Variants in SCN10A observed in about 807,000 individuals in gnomAD.
The protein encoded by SCN10A is sodium voltage-gated channel alpha subunit 10.
In SCN10A, 162 loss-of-function variants were observed where a neutral mutation model predicts 170.7. That is an observed-to-expected ratio of 0.95 (90% confidence interval 0.84 to 1.08). The LOEUF (loss-of-function observed/expected upper bound fraction) is 1.08, where lower values mean the gene tolerates loss of function less well. Among genes scored for constraint, SCN10A ranks in the 50% least tolerant of loss-of-function variants. The probability of loss-of-function intolerance (pLI) is 0.00; values close to 1 mark genes in which losing one functional copy is unlikely to be tolerated. For synonymous variants in SCN10A, 985 were observed against 904.6 expected, an observed-to-expected ratio of 1.09 and a Z score of -1.59; for missense variants, 2,527 against 2,436.9, an observed-to-expected ratio of 1.04 and a Z score of -0.78.
intron 27 of SCN10A, among the ~76,000 whole-genome samples, chr3:38,700,634 A>G (rs1401369602): frequency 6.6e-6 from 1 of 152,258 alleles, no homozygotes; most frequent in East Asian, 1.9e-4. Context: ...ACAGAGCAGC[A>G]ATATCAAAAT....
rs968109414 is a variant in SCN10A, at chr3:38,785,870, T to C, written c.470+3086A>G. Among the ~76,000 whole-genome samples the C allele has an allele frequency of 3.9e-5, 6 of 152,264 alleles. No homozygotes were observed. The Middle Eastern group carries it at 0.014, about 345-fold the overall frequency. On this transcript the variant is annotated intron_variant, in intron 4 of 27. Transcript: ENST00000449082. ...GACATTTATGCAGCCAATAAACATA[T>C]GATAAAAAGCTCATCATCACTGGTC... is the stretch of plus-strand genomic sequence containing the variant.
chr3:38,751,658 G>C (rs2063748207), intron 12 of SCN10A, among the ~76,000 whole-genome samples: 1 of 152,222 alleles, frequency 6.6e-6, no homozygotes, highest in Non-Finnish European at 1.5e-5. Flanking sequence ...TCCCTGACTT[G>C]CCATTACACT....
intron 4 of SCN10A, among the ~76,000 whole-genome samples, chr3:38,772,583 G>A (rs764401492): frequency 6.6e-6 from 1 of 152,126 alleles, no homozygotes; most frequent in African/African-American, 2.4e-5. Flanking sequence ...CAGCTACTCC[G>A]GAGGCTGAGG....
chr3:38,792,956 T>C (rs2064302292), intron 2 of SCN10A, among the ~76,000 whole-genome samples: 1 of 151,988 alleles, frequency 6.6e-6, no homozygotes, highest in Admixed American at 6.6e-5. Context: ...TAGAAATTAA[T>C]ATATATGTAT....
chr3:38,783,369 T>C (rs1389206440), intron 4 of SCN10A, among the ~76,000 whole-genome samples: 1 of 152,106 alleles, frequency 6.6e-6, no homozygotes, highest in East Asian at 1.9e-4. Flanking sequence ...CCTTACTTTA[T>C]TGATGCTTTT....
In SCN10A at chr3:38,750,095, A is replaced by G. The variant is rs1338965406; in HGVS notation, c.1845T>C (p.Ser615=). Residue 615 remains serine (S), a synonymous_variant, in exon 13 of 28, where the codon AGT becomes AGC. Transcript: ENST00000449082. The part of the protein sequence containing the change: ...FRAQRAMSVV[S]IITSVLEELE... ...TACCCTCAAGGACGGAGGTTATGATACTGACAACACTCATTGCCCTTTGGG... is the reference window on the plus strand; with the variant it reads ...TACCCTCAAGGACGGAGGTTATGATGCTGACAACACTCATTGCCCTTTGGG... 2.5e-6 allele frequency: 4 copies of G among 1,608,208 alleles called. No homozygotes were observed. Among genetic ancestry groups the G allele is most frequent in the East Asian group, 2.2e-5 (1 of 44,854 alleles).
Position 38,718,699 on chromosome 3 carries a change from T to G in SCN10A, c.3635A>C (p.Lys1212Thr). ...CCAGCACCAGGCATTGGTGAAGTAC[T>G]TTTTGAAGCCATAGGCCACCCACTT... ...LLKWVAYGFK[K>T]YFTNAWCWLD... is the part of the protein sequence containing the mutation. Residue 1212 changes from lysine to threonine, a missense_variant, in exon 21 of 28, where the codon AAG becomes ACG. Transcript: ENST00000449082. 1.9e-6 allele frequency: 3 copies of G among 1,614,228 alleles called. No homozygotes were observed. Among genetic ancestry groups the G allele is most frequent in the Non-Finnish European group, 2.5e-6 (3 of 1,180,038 alleles).
At chr3:38,710,407 C>T (rs1034211337) in intron 24 of SCN10A, among the ~76,000 whole-genome samples, 6 of 152,170 alleles carry the variant, frequency 3.9e-5, no homozygotes, top group Non-Finnish European at 5.9e-5. Context: ...CTGCCCACCT[C>T]GGCCTCCCAA....
chr3:38,742,626 AC>A, intron 13 of SCN10A, 97 bp from the exon 14 acceptor site: 1 of 855,346 alleles, frequency 1.2e-6, no homozygotes. Flanking sequence ...AATAATAAGT[AC>A]CACCTCCAAC....
rs149642957 is a variant in SCN10A at position 38,698,348 on chromosome 3, G to A, written c.4872C>T (p.Phe1624=). ...TCACATGGGGAAAGCTGGACATACCGAAGATAGAGTAGATGAACATGACAA... is the reference window on the plus strand; with the variant it reads ...TCACATGGGGAAAGCTGGACATACCAAAGATAGAGTAGATGAACATGACAA... ...LFLVMFIYSI[F]GMSSFPHVRW... is the part of the protein sequence containing the mutation. The change falls in exon 28 of 28, where the codon TTC becomes TTT. Residue 1624 remains phenylalanine (F), a synonymous_variant. Coordinates refer to ENST00000449082, the MANE Select transcript of SCN10A (RefSeq NM_006514.4). 1.2e-4 allele frequency: 193 copies of A among 1,613,974 alleles called. 1 individual carries two copies. The African/African-American group carries it at 1.4e-3, about 12-fold the overall frequency.
chr3:38,774,508 C>T (rs1308213790), intron 4 of SCN10A, among the ~76,000 whole-genome samples: 1 of 152,136 alleles, frequency 6.6e-6, no homozygotes, highest in Non-Finnish European at 1.5e-5. Flanking sequence ...GTGTTATTTC[C>T]TAAGTGCTTT....
chr3:38,724,705 T>C (rs1415397815), intron 18 of SCN10A, among the ~76,000 whole-genome samples: 4 of 152,234 alleles, frequency 2.6e-5, no homozygotes, highest in African/African-American at 9.6e-5. Context: ...GATATTTGAC[T>C]TTCTTTGTGC....
chr3:38,781,276 G>C (rs910092691), intron 4 of SCN10A, among the ~76,000 whole-genome samples: 2 of 152,102 alleles, frequency 1.3e-5, no homozygotes, highest in African/African-American at 2.4e-5. Flanking sequence ...AAAAAGTCGT[G>C]GTCACTGCTT....
At chr3:38,722,206 T>C (rs2063396961) in intron 20 of SCN10A, 52 bp downstream of exon 20, 2 of 1,560,370 alleles carry the variant, frequency 1.3e-6, no homozygotes, top group South Asian at 2.4e-5. Context: ...CTTTGGATTG[T>C]AGGAGATTCC....
chr3:38,713,276 G>A (rs1211208808), intron 22 of SCN10A, among the ~76,000 whole-genome samples: 1 of 152,188 alleles, frequency 6.6e-6, no homozygotes, highest in African/African-American at 2.4e-5. Context: ...ATTCCAGTGG[G>A]TGGCAGCTGA....
In SCN10A at chr3:38,713,923, T is replaced by A. The variant is rs772249614; in HGVS notation, c.3804+35A>T. 3 of 1,610,864 alleles carry A rather than the reference T, an allele frequency of 1.9e-6. No individual in the cohort carries two copies. The Middle Eastern group carries it at 6.4e-4, about 341-fold the overall frequency. ...GATTACAGGCATGAACCACCGTGCC[T>A]GGCCAGATGAGAGAAGTTTTGAGAT... On this transcript the variant is annotated intron_variant, in intron 22 of 27. Coordinates refer to ENST00000449082, the MANE Select transcript of SCN10A (RefSeq NM_006514.4).
At chr3:38,731,986 G>T (rs532149322) in intron 15 of SCN10A, among the ~76,000 whole-genome samples, 10 of 152,222 alleles carry the variant, frequency 6.6e-5, no homozygotes, top group Non-Finnish European at 2.9e-5. Context: ...CCTCGTCTTG[G>T]CTTCCAAAGT....
chr3:38,805,225 A>C (rs993014722), intron 1 of SCN10A, among the ~76,000 whole-genome samples: 1 of 152,140 alleles, frequency 6.6e-6, no homozygotes, highest in African/African-American at 2.4e-5. Flanking sequence ...AGGACTGAGA[A>C]TGTGGTTGGA....
chr3:38,756,022 C>T lies in SCN10A; in HGVS notation c.1291-64G>A, dbSNP rs2063800513. 3.2e-6 allele frequency: 5 copies of T among 1,568,726 alleles called. No individual in the cohort carries two copies. In the South Asian group the frequency reaches 5.6e-5, roughly 17 times the overall value. On this transcript the variant is annotated intron_variant, in intron 10 of 27. Transcript: ENST00000449082. ...GCTTGGACTTAGCATGAATGTGTCCCCCAGACATGGGGTGCCAGGGGTGAG... is the reference window on the plus strand; with the variant it reads ...GCTTGGACTTAGCATGAATGTGTCCTCCAGACATGGGGTGCCAGGGGTGAG...
Sources: gnomAD v4.1 joint callset for allele counts (sites outside exome capture counted in the v4.1 genomes callset) on GRCh38, gnomAD v4.1.1 for gene constraint, MANE v1.5 for transcripts, NCBI Gene and HGNC (gene_info 2026-07-23, HGNC 2026-07-21) for gene names.